Variants in KRAS observed in about 807,000 individuals in gnomAD.
The protein encoded by KRAS is GTPase KRas.
Under a neutral mutation model 21.0 loss-of-function variants are expected in KRAS, and 1 was observed. The observed-to-expected ratio is 0.05, with a 90% CI of 0.02 to 0.23. The LOEUF (loss-of-function observed/expected upper bound fraction) is 0.23, where lower values mean the gene tolerates loss of function less well. Ranked by LOEUF, KRAS falls within the 10% of genes least tolerant of loss-of-function variation. The pLI, the probability that KRAS is intolerant of heterozygous loss-of-function variation, is 1.00. For missense variants in KRAS, 107 were observed against 221.8 expected (o/e 0.48, Z 3.29); for synonymous variants, 67 against 72.5 (o/e 0.92, Z 0.39).
At chr12:25,221,454 G>A (rs538609190) in intron 4 of KRAS, among the ~76,000 whole-genome samples, 26 of 152,122 alleles carry the variant, frequency 1.7e-4, no homozygotes, top group Middle Eastern at 6.8e-3. Context: ...GGCTGGCCTC[G>A]AACTCCTGAC....
chr12:25,237,445 G>A (rs1951557622), intron 2 of KRAS, among the ~76,000 whole-genome samples: 1 of 152,132 alleles, frequency 6.6e-6, no homozygotes, highest in African/African-American at 2.4e-5. Context: ...CAAAGGGGAG[G>A]GCGAAGGAAA....
intron 4 of KRAS, among the ~76,000 whole-genome samples, chr12:25,216,664 T>C (rs966791906): frequency 6.6e-6 from 1 of 152,220 alleles, no homozygotes; most frequent in Admixed American, 6.5e-5. Context: ...CTTAATAGGG[T>C]TTTTCTTGCT....
chr12:25,244,231 T>C (rs1372013614), intron 2 of KRAS, among the ~76,000 whole-genome samples: 3 of 152,248 alleles, frequency 2.0e-5, no homozygotes, highest in African/African-American at 7.2e-5. Flanking sequence ...TTCTTAGAAA[T>C]TTTTCAGAAC....
chr12:25,233,341 A>C (rs1014318188), intron 2 of KRAS, among the ~76,000 whole-genome samples: 2 of 152,190 alleles, frequency 1.3e-5, no homozygotes, highest in African/African-American at 4.8e-5. Flanking sequence ...ACCTGAGGTC[A>C]AGAGTTCAAG....
intron 4 of KRAS, among the ~76,000 whole-genome samples, chr12:25,224,758 C>T (rs12368504): frequency 0.49 from 74,191 of 151,890 alleles, 19,171 homozygotes; most frequent in East Asian, 0.8. Context: ...GACTATACTA[C>T]ATATCCCAGG....
chr12:25,241,434 CTG>C (rs762632204), intron 2 of KRAS, among the ~76,000 whole-genome samples: 4 of 152,156 alleles, frequency 2.6e-5, no homozygotes, highest in South Asian at 2.1e-4. Context: ...TATAAAATTG[CTG>C]TGTGTCTCTG....
At chr12:25,236,482 G>A (rs892505170) in intron 2 of KRAS, among the ~76,000 whole-genome samples, 1 of 151,936 alleles carries the variant, frequency 6.6e-6, no homozygotes, top group African/African-American at 2.4e-5. Context: ...TAGGAGTAGT[G>A]CCCATTCTTG....
rs578020786 is a variant in KRAS, at chr12:25,228,626, G to A, written c.112-1214C>T. Among the ~76,000 whole-genome samples the A allele has an allele frequency of 1.6e-4, 25 of 152,136 alleles. 1 individual carries two copies. Among genetic ancestry groups the A allele is most frequent in the Middle Eastern group, 3.4e-3 (1 of 294 alleles). On this transcript the variant is annotated intron_variant, in intron 2 of 4. Coordinates refer to ENST00000311936, the MANE Select transcript of KRAS (RefSeq NM_004985.5). ...GGCTGGGGGAGGGAGGATTACTGGGGACTATTTGACAGGTACAGAATTCTA... is the reference window on the plus strand; with the variant it reads ...GGCTGGGGGAGGGAGGATTACTGGGAACTATTTGACAGGTACAGAATTCTA...
intron 4 of KRAS, among the ~76,000 whole-genome samples, chr12:25,220,957 G>A (rs1951314673): frequency 1.4e-5 from 2 of 147,834 alleles, no homozygotes; most frequent in South Asian, 2.1e-4. Flanking sequence ...CCCAGGAGGA[G>A]GAGGTTGCAA....
chr12:25,248,731 C>T (rs1266885155), intron 1 of KRAS, among the ~76,000 whole-genome samples: 1 of 151,680 alleles, frequency 6.6e-6, no homozygotes, highest in East Asian at 1.9e-4. Context: ...GATCCCTCAC[C>T]GAGAGTTAGA....
intron 4 of KRAS, among the ~76,000 whole-genome samples, chr12:25,221,563 TAAC>T (rs1951326422): frequency 6.6e-6 from 1 of 151,994 alleles, no homozygotes; most frequent in Admixed American, 6.6e-5. Flanking sequence ...ATGCACAAGC[TAAC>T]AACGATTTTT....
chr12:25,224,959 A>G (rs1951371839), intron 4 of KRAS: 1 of 152,198 alleles, frequency 6.6e-6, no homozygotes, highest in African/African-American at 2.4e-5. Context: ...TCATACAAAC[A>G]GGTTAAATAA....
At chr12:25,246,892 G>C (rs866533720) in intron 1 of KRAS, among the ~76,000 whole-genome samples, 3 of 150,660 alleles carry the variant, frequency 2.0e-5, no homozygotes, top group South Asian at 4.2e-4. Context: ...ACTCCAGCCT[G>C]GGCGACAGAG....
At chr12:25,228,081 C>T (rs1329832463) in intron 2 of KRAS, among the ~76,000 whole-genome samples, 3 of 151,756 alleles carry the variant, frequency 2.0e-5, no homozygotes, top group Non-Finnish European at 4.4e-5. Flanking sequence ...AATCTGAAAT[C>T]CAAAATGCTC....
intron 4 of KRAS, among the ~76,000 whole-genome samples, chr12:25,222,614 A>G (rs532303095): frequency 6.6e-5 from 10 of 152,292 alleles, no homozygotes; most frequent in African/African-American, 1.7e-4. Flanking sequence ...TAATTAGATG[A>G]TCCACATAAA....
At chr12:25,211,873 T>C (rs1443175677) in intron 4 of KRAS, among the ~76,000 whole-genome samples, 2 of 152,214 alleles carry the variant, frequency 1.3e-5, no homozygotes, top group Non-Finnish European at 2.9e-5. Context: ...TCACTGATGT[T>C]TCCCACTCTC....
chr12:25,205,340 C>T lies in KRAS; in HGVS notation c.*4455G>A, dbSNP rs1273643139. ...ATTTTAGATCACTTCACAGCACATACTCCTATAAACATTTAAAAGTTAATT... is the reference window on the plus strand; with the variant it reads ...ATTTTAGATCACTTCACAGCACATATTCCTATAAACATTTAAAAGTTAATT... On this transcript the variant is annotated 3_prime_UTR_variant, in exon 5 of 5. Coordinates refer to ENST00000311936, the MANE Select transcript of KRAS (RefSeq NM_004985.5). 2 of 213,804 alleles carry T rather than the reference C, an allele frequency of 9.4e-6. No individual in the cohort carries two copies. Among genetic ancestry groups the T allele is most frequent in the African/African-American group, 4.5e-5 (2 of 44,250 alleles). 13.2% of individuals were successfully genotyped at this position (213,804 alleles called of 1,614,324 possible). A position where few individuals can be genotyped will look rare whatever the true frequency, so the allele number is the denominator to read the frequency against.
At chr12:25,248,714 G>T (rs1198560110) in intron 1 of KRAS, among the ~76,000 whole-genome samples, 2 of 152,080 alleles carry the variant, frequency 1.3e-5, no homozygotes, top group Non-Finnish European at 2.9e-5. Flanking sequence ...ATCATGGGCT[G>T]GGAGGGGATC....
At chr12:25,212,525 G>C (rs1464906871) in intron 4 of KRAS, among the ~76,000 whole-genome samples, 1 of 151,912 alleles carries the variant, frequency 6.6e-6, no homozygotes, top group Non-Finnish European at 1.5e-5. Context: ...AGGAGTTTGA[G>C]ACCAGCCTGG....
Sources: gnomAD v4.1 joint callset for allele counts (sites outside exome capture counted in the v4.1 genomes callset) on GRCh38, gnomAD v4.1.1 for gene constraint, MANE v1.5 for transcripts, NCBI Gene and HGNC (gene_info 2026-07-23, HGNC 2026-07-21) for gene names.